Variants in NAV2 observed in about 807,000 individuals in gnomAD.
NAV2 encodes the protein helicase, APC down-regulated 1.
A neutral mutation model predicts 223.2 loss-of-function variants in NAV2; 54 were observed. The ratio of observed to expected loss-of-function variants is 0.24; its 90% CI spans 0.19 to 0.30. The LOEUF is 0.30. Ranked by LOEUF, NAV2 falls within the 10% of genes least tolerant of loss-of-function variation. NAV2 has a pLI of 1.00. For missense variants in NAV2, 2,806 were observed against 3,147.5 expected (o/e 0.89, Z 2.60); for synonymous variants, 1,279 against 1,239.3 (o/e 1.03, Z -0.67).
intron 11 of NAV2, among the ~76,000 whole-genome samples, chr11:20,002,551 GT>G (rs2052653496): frequency 6.6e-6 from 1 of 152,188 alleles, no homozygotes; most frequent in African/African-American, 2.4e-5. Context: ...ACAGGTGGGA[GT>G]TATAGGTGGT....
rs77416361 is a variant in NAV2 at position 19,785,273 on chromosome 11, G to A, written c.268-47211G>A. Reference sequence around the variant, plus strand: ...AGAGAGCTGAAATGACTGGCCCAGGGCCTCATGGCCTGCAGCCTGTTTCAA... The same window carrying A: ...AGAGAGCTGAAATGACTGGCCCAGGACCTCATGGCCTGCAGCCTGTTTCAA... On this transcript the variant is annotated intron_variant, in intron 1 of 37. Transcript: ENST00000349880. 1.0e-3 allele frequency among the ~76,000 whole-genome samples: 159 copies of A among 152,324 alleles called. 2 individuals are homozygous for A. The East Asian group carries it at 0.026, about 25-fold the overall frequency.
chr11:19,949,936 G>A (rs1413667596), intron 10 of NAV2, among the ~76,000 whole-genome samples: 5 of 152,156 alleles, frequency 3.3e-5, no homozygotes, highest in Non-Finnish European at 7.3e-5. Flanking sequence ...TGAAGTGAAG[G>A]GGAGTGATGA....
intron 1 of NAV2, among the ~76,000 whole-genome samples, chr11:19,413,256 G>A (rs1358348307): frequency 6.6e-6 from 1 of 152,138 alleles, no homozygotes; most frequent in East Asian, 1.9e-4. Context: ...GAAAAACACA[G>A]TACGAGAACT....
chr11:19,631,613 A>G (rs1259743783), intron 1 of NAV2, among the ~76,000 whole-genome samples: 1 of 152,178 alleles, frequency 6.6e-6, no homozygotes, highest in African/African-American at 2.4e-5. Flanking sequence ...TCATCTAGCT[A>G]AAGGGAACTC....
At chr11:19,425,701 A>G (rs1396575626) in intron 1 of NAV2, among the ~76,000 whole-genome samples, 1 of 152,220 alleles carries the variant, frequency 6.6e-6, no homozygotes, top group East Asian at 1.9e-4. Flanking sequence ...TGGATAATGG[A>G]GGATTATCCA....
chr11:19,723,693 G>A (rs898880109), intron 1 of NAV2, among the ~76,000 whole-genome samples: 1 of 152,216 alleles, frequency 6.6e-6, no homozygotes, highest in South Asian at 2.1e-4. Context: ...ATCTGGGCAG[G>A]ATCTCCTTGT....
intron 2 of NAV2, among the ~76,000 whole-genome samples, chr11:19,833,167 A>G (rs1454686684): frequency 1.3e-5 from 2 of 152,206 alleles, no homozygotes; most frequent in East Asian, 3.8e-4. Flanking sequence ...GTGGGTGGAT[A>G]CTGGCCACAG....
In NAV2 at chr11:20,077,904, G is replaced by A. The variant is rs113300719; in HGVS notation, c.5068-89G>A. ...GGTTTTGTTGAGCTACTTCATTCCC[G>A]CTCCTCCTGTGTTGAAGCCAAGTTG... is the stretch of plus-strand genomic sequence containing the variant. On this transcript the variant is annotated intron_variant, in intron 23 of 37. Coordinates refer to ENST00000349880, the MANE Select transcript of NAV2 (RefSeq NM_145117.5). 8.6e-5 allele frequency: 88 copies of A among 1,022,664 alleles called. 4 individuals carry two copies. The highest frequency in any genetic ancestry group is 7.7e-4 in the African/African-American group (48 of 62,236). The allele number at this position is 1,022,664 out of a possible 1,614,324, so 63.3% of individuals were successfully genotyped here.
chr11:19,513,488 G>A (rs1404558411), intron 1 of NAV2, among the ~76,000 whole-genome samples: 1 of 152,196 alleles, frequency 6.6e-6, no homozygotes, highest in Non-Finnish European at 1.5e-5. Flanking sequence ...ACAGAGTGGT[G>A]TCCTGGGCCA....
intron 1 of NAV2, among the ~76,000 whole-genome samples, chr11:19,561,656 C>T (rs748935522): frequency 2.0e-5 from 3 of 152,202 alleles, no homozygotes; most frequent in South Asian, 2.1e-4. Flanking sequence ...TAAATTGCCA[C>T]GGATCCCAAA....
chr11:19,415,251 G>T (rs1472888794), intron 1 of NAV2, among the ~76,000 whole-genome samples: 1 of 152,140 alleles, frequency 6.6e-6, no homozygotes, highest in Non-Finnish European at 1.5e-5. Context: ...AATAAAAAAT[G>T]GTAAAGGGGA....
intron 1 of NAV2, among the ~76,000 whole-genome samples, chr11:19,797,156 A>T (rs1323159851): frequency 2.2e-4 from 34 of 152,264 alleles, no homozygotes. Context: ...TCGGCATGAG[A>T]AAAGGCCAGA....
chr11:19,645,708 A>G (rs1161497417), intron 1 of NAV2, among the ~76,000 whole-genome samples: 3 of 152,122 alleles, frequency 2.0e-5, no homozygotes, highest in African/African-American at 7.2e-5. Context: ...AGCATGTCTC[A>G]TTTATTAGGT....
chr11:19,780,600 T>C (rs541689168), intron 1 of NAV2, among the ~76,000 whole-genome samples: 3 of 152,380 alleles, frequency 2.0e-5, no homozygotes, highest in Admixed American at 1.3e-4. Context: ...CCTTGTGACA[T>C]GGGCCAGTTG....
At chr11:19,496,933 C>T (rs1043690566) in intron 1 of NAV2, among the ~76,000 whole-genome samples, 13 of 152,168 alleles carry the variant, frequency 8.5e-5, no homozygotes, top group African/African-American at 2.4e-4. Flanking sequence ...TTGAGTTCAT[C>T]GAGACCTGGG....
chr11:20,019,207 A>G (rs1271267189), intron 11 of NAV2, among the ~76,000 whole-genome samples: 4 of 152,200 alleles, frequency 2.6e-5, no homozygotes, highest in Non-Finnish European at 4.4e-5. Flanking sequence ...GTTGCAGGAA[A>G]GAGATGATGG....
intron 1 of NAV2, chr11:19,402,020 T>C (rs1418012232): frequency 6.6e-6 from 1 of 152,074 alleles, no homozygotes; most frequent in African/African-American, 2.4e-5. Context: ...TTTCTAAGGG[T>C]CCCTCATTCC....
At chr11:20,110,391 T>C (rs1456418365) in intron 36 of NAV2, among the ~76,000 whole-genome samples, 1 of 152,158 alleles carries the variant, frequency 6.6e-6, no homozygotes, top group Non-Finnish European at 1.5e-5. Flanking sequence ...TGAAGGAACA[T>C]TTGGTGATGT....
chr11:19,969,945 CA>C (rs775674042), intron 10 of NAV2, among the ~76,000 whole-genome samples: 150 of 109,064 alleles, frequency 1.4e-3, no homozygotes, highest in Non-Finnish European at 2.1e-3. Context: ...GACTCTGTCT[CA>C]AAAAAAAAAA....
Sources: allele counts gnomAD v4.1 joint callset (sites outside exome capture counted in the v4.1 genomes callset), GRCh38; gene constraint gnomAD v4.1.1; transcripts MANE v1.5; gene names NCBI Gene and HGNC (gene_info 2026-07-23, HGNC 2026-07-21).